XPR1: variants seen among roughly 807,000 people sequenced by gnomAD.
XPR1 encodes solute carrier family 53 member 1.
In XPR1, 28 loss-of-function variants were observed where a neutral mutation model predicts 87.5. The ratio of observed to expected loss-of-function variants is 0.32; its 90% CI spans 0.24 to 0.44. The LOEUF is 0.44. XPR1 is among the 20% of genes least tolerant of loss of function. The probability of loss-of-function intolerance (pLI) is 1.00; values close to 1 mark genes in which losing one functional copy is unlikely to be tolerated. For synonymous variants in XPR1, 300 were observed against 306.1 expected, an observed-to-expected ratio of 0.98 and a Z score of 0.21; for missense variants, 559 against 862.3, an observed-to-expected ratio of 0.65 and a Z score of 4.41.
chr1:180,639,688 C>A (rs183781641), intron 1 of XPR1, among the ~76,000 whole-genome samples: 192 of 151,972 alleles, frequency 1.3e-3, no homozygotes, highest in African/African-American at 4.5e-3. Flanking sequence ...TTTTTTTATA[C>A]CTTAGAGTAG....
chr1:180,831,438 G>C (rs1181425452), intron 9 of XPR1, among the ~76,000 whole-genome samples: 3 of 140,108 alleles, frequency 2.1e-5, no homozygotes, highest in South Asian at 4.5e-4. Context: ...GGGTACATGT[G>C]CAGAACATGC....
intron 11 of XPR1, among the ~76,000 whole-genome samples, chr1:180,852,288 AC>A (rs1651889028): frequency 6.6e-6 from 1 of 152,102 alleles, no homozygotes; most frequent in South Asian, 2.1e-4. Context: ...GATCCCATAT[AC>A]CCTTTGCATA....
intron 2 of XPR1, among the ~76,000 whole-genome samples, chr1:180,730,848 G>A (rs1270758757): frequency 1.3e-5 from 2 of 149,708 alleles, no homozygotes; most frequent in Non-Finnish European, 3.0e-5. Context: ...TTTATTTTTT[G>A]TAGAGATGAG....
chr1:180,640,772 A>G (rs1011052903), intron 1 of XPR1, among the ~76,000 whole-genome samples: 3 of 152,230 alleles, frequency 2.0e-5, no homozygotes, highest in Non-Finnish European at 4.4e-5. Flanking sequence ...AATCAGAAGA[A>G]AAAGGTAAGG....
At chr1:180,755,344 CA>C (rs1314358737) in intron 2 of XPR1, among the ~76,000 whole-genome samples, 3 of 152,142 alleles carry the variant, frequency 2.0e-5, no homozygotes, top group African/African-American at 7.2e-5. Context: ...AGGTGAAATA[CA>C]ATGTAAATTT....
chr1:180,826,813 A>G (rs1277597853), intron 9 of XPR1, among the ~76,000 whole-genome samples: 1 of 152,052 alleles, frequency 6.6e-6, no homozygotes, highest in African/African-American at 2.4e-5. Context: ...AGCCAAACAT[A>G]ACAATTTTTT....
chr1:180,823,570 C>T (rs1039507979), intron 7 of XPR1, among the ~76,000 whole-genome samples: 2 of 151,994 alleles, frequency 1.3e-5, no homozygotes, highest in African/African-American at 4.8e-5. Flanking sequence ...AGGGGTGCTG[C>T]GAGATAAGTT....
At chr1:180,717,561 C>T (rs79845977) in intron 2 of XPR1, among the ~76,000 whole-genome samples, 202 of 152,012 alleles carry the variant, frequency 1.3e-3, no homozygotes, top group African/African-American at 4.6e-3. Flanking sequence ...ATGCAAATAC[C>T]GAGATCCCAG....
chr1:180,658,092 G>C (rs1655600062), intron 1 of XPR1, among the ~76,000 whole-genome samples: 1 of 152,050 alleles, frequency 6.6e-6, no homozygotes, highest in Non-Finnish European at 1.5e-5. Context: ...CAGATCGTTT[G>C]CTGTTGACAT....
intron 2 of XPR1, among the ~76,000 whole-genome samples, chr1:180,760,254 T>C (rs544981485): frequency 6.6e-6 from 1 of 152,154 alleles, no homozygotes; most frequent in Non-Finnish European, 1.5e-5. Flanking sequence ...GTGTTGGAAG[T>C]TCTGGCCAGG....
At chr1:180,647,688 C>A (rs1245773365) in intron 1 of XPR1, among the ~76,000 whole-genome samples, 2 of 152,016 alleles carry the variant, frequency 1.3e-5, no homozygotes, top group Non-Finnish European at 2.9e-5. Flanking sequence ...CACCTGAGGT[C>A]GGGAGTTTGA....
rs929151897 is a variant in XPR1 at position 180,889,357 on chromosome 1, A to G, written c.*5291A>G. 1.3e-5 allele frequency: 2 copies of G among 152,228 alleles called. No individual in the cohort carries two copies. The highest frequency in any genetic ancestry group is 1.9e-4 in the East Asian group (1 of 5,200). The allele number at this position is 152,228 out of a possible 1,614,324, so 9.4% of individuals were successfully genotyped here. ...AGTTACTTGACTAAACTTCCACCAT[A>G]TTACCTTAGTTCTTCCTATGCCCTT... On this transcript the variant is annotated 3_prime_UTR_variant, in exon 15 of 15. Transcript: ENST00000367590.
intron 2 of XPR1, among the ~76,000 whole-genome samples, chr1:180,755,193 T>C (rs1312591886): frequency 6.6e-6 from 1 of 152,188 alleles, no homozygotes; most frequent in Non-Finnish European, 1.5e-5. Context: ...CTCTGTCCAC[T>C]GAGAGGGCCT....
chr1:180,819,486 A>G (rs143974830), intron 7 of XPR1, among the ~76,000 whole-genome samples: 175 of 152,314 alleles, frequency 1.1e-3, no homozygotes, highest in African/African-American at 3.9e-3. Context: ...TATGTTATCA[A>G]GTAGAACTTA....
In XPR1 at chr1:180,876,107, A is replaced by G. The variant is rs567038994; in HGVS notation, c.1808+2165A>G. Among the ~76,000 whole-genome samples, 5 of 152,306 alleles carry G rather than the reference A, an allele frequency of 3.3e-5. 1 individual carries two copies. The highest frequency in any genetic ancestry group is 3.3e-4 in the Admixed American group (5 of 15,288). On this transcript the variant is annotated intron_variant, in intron 13 of 14. Coordinates refer to ENST00000367590, the MANE Select transcript of XPR1 (RefSeq NM_004736.4). ...TGAGGAAGAAATATTAACCAATTTT[A>G]TACAAAACTCTTCCAGAAAAAAAAA... is the stretch of plus-strand genomic sequence containing the variant.
At chr1:180,707,127 A>G (rs9919167) in intron 2 of XPR1, among the ~76,000 whole-genome samples, 67,558 of 152,006 alleles carry the variant, frequency 0.44, 15,423 homozygotes, top group Non-Finnish European at 0.47. Flanking sequence ...TAGAATTTTT[A>G]TCTTGACAGT....
intron 1 of XPR1, among the ~76,000 whole-genome samples, chr1:180,679,077 C>T (rs1317514910): frequency 1.3e-5 from 2 of 152,100 alleles, no homozygotes; most frequent in African/African-American, 4.8e-5. Flanking sequence ...CACCTGTAGT[C>T]CCAGCTACTC....
chr1:180,767,270 C>T (rs995768935), intron 2 of XPR1, among the ~76,000 whole-genome samples: 3 of 152,090 alleles, frequency 2.0e-5, no homozygotes, highest in Non-Finnish European at 4.4e-5. Flanking sequence ...CCACTCACTC[C>T]CTTCAAAATA....
intron 2 of XPR1, among the ~76,000 whole-genome samples, chr1:180,711,057 G>A (rs571500858): frequency 6.6e-6 from 1 of 152,092 alleles, no homozygotes; most frequent in East Asian, 1.9e-4. Context: ...CTCAGACGGG[G>A]CGGCCGGGCA....
Sources: gnomAD v4.1 joint callset for allele counts (sites outside exome capture counted in the v4.1 genomes callset) on GRCh38, gnomAD v4.1.1 for gene constraint, MANE v1.5 for transcripts, NCBI Gene and HGNC (gene_info 2026-07-23, HGNC 2026-07-21) for gene names.